RNF115: variants seen among roughly 807,000 people sequenced by gnomAD.
The protein encoded by RNF115 is ring finger protein 115.
RNF115 carries 31 observed loss-of-function variants against 39.2 expected under a neutral mutation model. The ratio of observed to expected loss-of-function variants is 0.79; its 90% CI spans 0.59 to 1.07. RNF115 has a LOEUF of 1.07. RNF115 is among the 50% of genes least tolerant of loss of function. The probability of loss-of-function intolerance (pLI) is 0.00; values close to 1 mark genes in which losing one functional copy is unlikely to be tolerated. For synonymous variants in RNF115, 124 were observed against 131.0 expected (o/e 0.95, Z 0.37); for missense variants, 384 against 381.7 (o/e 1.01, Z -0.05).
At chr1:145,788,877 T>A in intron 2 of RNF115, 31 bp downstream of exon 2, 5 of 1,489,404 alleles carry the variant, frequency 3.4e-6, no homozygotes, top group Non-Finnish European at 4.7e-6. Flanking sequence ...GATAATAGAA[T>A]GTCTGATTTA....
chr1:145,792,502 G>GA (rs782182992), intron 1 of RNF115, among the ~76,000 whole-genome samples: 179 of 147,606 alleles, frequency 1.2e-3, no homozygotes, highest in South Asian at 3.2e-3. Flanking sequence ...TTTTTTAAAA[G>GA]AAAAAAAAAA....
intron 1 of RNF115, among the ~76,000 whole-genome samples, chr1:145,798,845 T>C (rs1649097491): frequency 6.6e-6 from 1 of 152,146 alleles, no homozygotes; most frequent in Non-Finnish European, 1.5e-5. Context: ...TTTTCAGCAG[T>C]ATTTTACGGT....
At chr1:145,766,058 C>A (rs1571725630) in intron 4 of RNF115, among the ~76,000 whole-genome samples, 1 of 150,928 alleles carries the variant, frequency 6.6e-6, no homozygotes, top group African/African-American at 2.4e-5. Context: ...GGAGATTTGG[C>A]AGGGTCATAG....
At chr1:145,758,952 G>C (rs587652204) in intron 4 of RNF115, among the ~76,000 whole-genome samples, 1 of 152,306 alleles carries the variant, frequency 6.6e-6, no homozygotes, top group African/African-American at 2.4e-5. Context: ...GTGGAGGGAA[G>C]GAAGATAGTG....
At chr1:145,819,271 C>CAAA (rs59058505) in intron 1 of RNF115, among the ~76,000 whole-genome samples, 30 of 52,288 alleles carry the variant, frequency 5.7e-4, no homozygotes, top group Non-Finnish European at 7.9e-4. Context: ...CCTTATCTCT[C>CAAA]AAAAAAAAAA....
At chr1:145,799,301 C>T (rs1435624143) in intron 1 of RNF115, among the ~76,000 whole-genome samples, 3 of 152,020 alleles carry the variant, frequency 2.0e-5, no homozygotes, top group Admixed American at 6.6e-5. Flanking sequence ...CTCTTGACCT[C>T]GTGATCCGCC....
intron 4 of RNF115, among the ~76,000 whole-genome samples, chr1:145,766,001 T>C (rs1647248566): frequency 6.6e-6 from 1 of 151,804 alleles, no homozygotes; most frequent in African/African-American, 2.4e-5. Context: ...GTACTCTTTT[T>C]CTTTTTTTTT....
chr1:145,750,405 AC>A lies in RNF115; in HGVS notation c.667+1del. ...ACAGAATAAGTATAAAAATGAACCT[AC>A]CAACTTGTTCCTGAGTTACTGTCAC... is the stretch of plus-strand genomic sequence containing the variant. On this transcript the variant is annotated splice_donor_variant, in intron 7 of 8. Transcript: ENST00000582693. LOFTEE classifies it high-confidence loss of function. 1 of 1,607,184 alleles carries A rather than the reference AC, an allele frequency of 6.2e-7. No homozygotes were observed. The highest frequency in any genetic ancestry group is 2.2e-5 in the East Asian group (1 of 44,850).
intron 1 of RNF115, among the ~76,000 whole-genome samples, chr1:145,795,046 G>A (rs1343651911): frequency 6.7e-6 from 1 of 150,260 alleles, no homozygotes; most frequent in Non-Finnish European, 1.5e-5. Context: ...AAGATAGTGT[G>A]TCCGGAGTTT....
chr1:145,760,418 C>G (rs1553713683), intron 4 of RNF115, among the ~76,000 whole-genome samples: 1 of 152,202 alleles, frequency 6.6e-6, no homozygotes, highest in Non-Finnish European at 1.5e-5. Context: ...ACCCAAATCT[C>G]AGCTTGAATT....
At chr1:145,811,883 CAAAAA>C (rs67086842) in intron 1 of RNF115, among the ~76,000 whole-genome samples, 123 of 35,844 alleles carry the variant, frequency 3.4e-3, no homozygotes, top group East Asian at 5.7e-3. Context: ...TTCTGTCTCA[CAAAAA>C]AAAAAAAAAA....
chr1:145,797,472 G>A (rs921559905), intron 1 of RNF115, among the ~76,000 whole-genome samples: 5 of 152,030 alleles, frequency 3.3e-5, no homozygotes, highest in South Asian at 2.1e-4. Flanking sequence ...CCACACTGTC[G>A]CATATGACAG....
chr1:145,752,964 A>C lies in RNF115; in HGVS notation c.500+14T>G, dbSNP rs1658151051. On this transcript the variant is annotated intron_variant, in intron 5 of 8. Transcript: ENST00000582693. ...ACTCCAATAGAGTAAGATAGAAAAC[A>C]ATTAGTTACTTACCAGGAAAAAGGG... The C allele has an allele frequency of 6.4e-7, 1 of 1,553,342 alleles. No individual in the cohort carries two copies. Among genetic ancestry groups the C allele is most frequent in the Non-Finnish European group, 8.9e-7 (1 of 1,125,502 alleles).
intron 3 of RNF115, among the ~76,000 whole-genome samples, chr1:145,779,419 C>T (rs1478358898): frequency 6.6e-6 from 1 of 152,124 alleles, no homozygotes; most frequent in Non-Finnish European, 1.5e-5. Flanking sequence ...AAACAATCCG[C>T]CTGCCTCCGC....
chr1:145,804,946 T>C (rs1553721396), intron 1 of RNF115, among the ~76,000 whole-genome samples: 1 of 152,152 alleles, frequency 6.6e-6, no homozygotes, highest in Non-Finnish European at 1.5e-5. Flanking sequence ...GACTACTGAT[T>C]TCCATACTTT....
At chr1:145,806,953 C>T (rs375324467) in intron 1 of RNF115, among the ~76,000 whole-genome samples, 62 of 152,174 alleles carry the variant, frequency 4.1e-4, no homozygotes, top group African/African-American at 1.2e-3. Context: ...TACAGGTACG[C>T]GCCACTGCGC....
At chr1:145,791,020 T>C (rs782426078) in intron 1 of RNF115, among the ~76,000 whole-genome samples, 4 of 151,932 alleles carry the variant, frequency 2.6e-5, no homozygotes, top group Non-Finnish European at 4.4e-5. Context: ...CGTGTGCCTG[T>C]AGTCCCAGTT....
In RNF115 at chr1:145,752,545, A is replaced by T. The variant is rs587603250; in HGVS notation, c.500+433T>A. On this transcript the variant is annotated intron_variant, in intron 5 of 8. Coordinates refer to ENST00000582693, the MANE Select transcript of RNF115 (RefSeq NM_014455.4). ...TGGGCTTAGCAGATAATGGCAGTGT[A>T]GCAGCCTCCAGTTACATCTACATAC... Among the ~76,000 whole-genome samples the T allele has an allele frequency of 3.4e-5, 5 of 146,602 alleles. No individual in the cohort carries two copies. The East Asian group carries it at 1.0e-3, about 30-fold the overall frequency.
intron 4 of RNF115, among the ~76,000 whole-genome samples, chr1:145,761,677 TAGGGCGGTGCG>T (rs1401380038): frequency 6.6e-6 from 1 of 152,252 alleles, no homozygotes; most frequent in Non-Finnish European, 1.5e-5. Context: ...GAACCTCTGC[TAGGGCGGTGCG>T]GAAGGAAAAT....
Sources: allele counts gnomAD v4.1 joint callset (sites outside exome capture counted in the v4.1 genomes callset), GRCh38; gene constraint gnomAD v4.1.1; transcripts MANE v1.5; gene names NCBI Gene and HGNC (gene_info 2026-07-23, HGNC 2026-07-21).